Variants in AHCTF1 observed in about 807,000 individuals in gnomAD.
The protein encoded by AHCTF1 is protein ELYS.
In AHCTF1, 24 loss-of-function variants were observed where a neutral mutation model predicts 248.4. That is an observed-to-expected ratio of 0.10 (90% CI 0.07 to 0.14). The LOEUF (loss-of-function observed/expected upper bound fraction) is 0.14, where lower values mean the gene tolerates loss of function less well. AHCTF1 is among the 10% of genes least tolerant of loss of function. The probability of loss-of-function intolerance (pLI) is 1.00; values close to 1 mark genes in which losing one functional copy is unlikely to be tolerated. For synonymous variants in AHCTF1, 786 were observed against 929.8 expected, an observed-to-expected ratio of 0.85 and a Z score of 2.81; for missense variants, 2,206 against 2,636.2, an observed-to-expected ratio of 0.84 and a Z score of 3.57.
At chr1:246,882,299 T>G (rs114777821) in intron 21 of AHCTF1, among the ~76,000 whole-genome samples, 2,545 of 152,256 alleles carry the variant, frequency 0.017, 30 homozygotes, top group Non-Finnish European at 0.027. Context: ...ACCTGGCCTA[T>G]TATTACTTTT....
In AHCTF1 at chr1:246,862,043, T is replaced by G. The variant is rs148727145; in HGVS notation, c.3651A>C (p.Pro1217=). The G allele has an allele frequency of 6.6e-5, 107 of 1,612,550 alleles. No individual in the cohort carries two copies. In the African/African-American group the frequency reaches 1.3e-3, roughly 20 times the overall value. The part of the protein sequence containing the change: ...LRSTPLASPS[P]SPGRSPQRLK... ...GTCGTTGAGGAGACCTTCCAGGTGA[T>G]GGAGAGGGAGATGCTAAAGGTGTTG... The change falls in exon 28 of 36, where the codon CCA becomes CCC. Residue 1217 remains proline, a synonymous_variant. Transcript: ENST00000648844.
intron 1 of AHCTF1, among the ~76,000 whole-genome samples, chr1:246,919,873 G>A (rs1666403743): frequency 6.6e-6 from 1 of 151,950 alleles, no homozygotes; most frequent in African/African-American, 2.4e-5. Flanking sequence ...GCCAGGCAGG[G>A]TGGCTCATGC....
At position 246,850,421 on chromosome 1, in the gene AHCTF1, ACTT is replaced by A. The variant is rs1472219601; in HGVS notation, c.5582_5584del (p.Glu1861del). ...CCTTTTTGTAACAGATGAAACCTTA[ACTT>A]CTTTTTTAGTAGTTTCTTCAACTGC... On this transcript the variant is annotated inframe_deletion, in exon 33 of 36. Transcript: ENST00000648844. 3 of 1,597,064 alleles carry A rather than the reference ACTT, an allele frequency of 1.9e-6. No homozygotes were observed. The highest frequency in any genetic ancestry group is 1.4e-5 in the African/African-American group (1 of 73,550).
rs576454925 is a variant in AHCTF1 at position 246,852,842 on chromosome 1, C to T, written c.4563+249G>A. ...CTTGGGCTCAAGGATCCTCCCTCCT[C>T]AAACTCCCAAGTAGCTGGGACTATG... is the stretch of plus-strand genomic sequence containing the variant. On this transcript the variant is annotated intron_variant, in intron 32 of 35. Coordinates refer to ENST00000648844, the MANE Select transcript of AHCTF1 (RefSeq NM_001323342.2). Among the ~76,000 whole-genome samples the T allele has an allele frequency of 8.3e-4, 127 of 152,218 alleles. 1 individual carries two copies. The highest frequency in any genetic ancestry group is 1.4e-3 in the Non-Finnish European group (92 of 68,002).
intron 1 of AHCTF1, 109 bp from the exon 2 acceptor site, chr1:246,918,486 A>G: frequency 1.1e-5 from 12 of 1,122,214 alleles, no homozygotes; most frequent in Non-Finnish European, 1.4e-5. Context: ...ATAAAGAAAA[A>G]CTAAAATCTG....
chr1:246,902,510 A>G lies in AHCTF1; in HGVS notation c.1117+15T>C, dbSNP rs1249268632. 1.2e-6 allele frequency: 2 copies of G among 1,601,294 alleles called. No individual in the cohort carries two copies. Among genetic ancestry groups the G allele is most frequent in the Non-Finnish European group, 8.5e-7 (1 of 1,173,216 alleles). On this transcript the variant is annotated intron_variant, in intron 8 of 35. Transcript: ENST00000648844. The stretch of plus-strand genomic sequence containing the variant: ...TCCAGCCTTCACATGACATATTTCA[A>G]GTACTTTAACTAACCTTCATTCACG...
chr1:246,885,374 T>C (rs919530565), intron 21 of AHCTF1, 119 bp downstream of exon 21: 2 of 793,690 alleles, frequency 2.5e-6, no homozygotes, highest in Non-Finnish European at 3.9e-6. Flanking sequence ...AACCCACTAA[T>C]ACAAAGGACT....
Position 246,900,442 on chromosome 1 carries a change from A to G in AHCTF1, c.1145T>C (p.Val382Ala). The G allele has an allele frequency of 6.3e-7, 1 of 1,593,984 alleles. No homozygotes were observed. Residue 382 changes from valine (V) to alanine (A), a missense_variant, in exon 9 of 36, where the codon GTC (valine) becomes GCC (alanine). Physicochemically the swap from Val to Ala is moderately conservative, Grantham distance 64. Around this residue, in one of 6 missense-constraint regions of AHCTF1, gnomAD observed 650 missense variants for 870.8 expected, o/e 0.75. Transcript: ENST00000648844. The part of the protein sequence containing the change: ...EALSPDTSVS[V>A]FTWQVNIYGQ... ...ATATATATTCACCTGCCAGGTAAAGACTGAAACACTAGTGTCAGGCGATAG... is the reference window on the plus strand; with the variant it reads ...ATATATATTCACCTGCCAGGTAAAGGCTGAAACACTAGTGTCAGGCGATAG...
At chr1:246,854,000 A>G (rs1458627921) in intron 31 of AHCTF1, among the ~76,000 whole-genome samples, 4 of 152,174 alleles carry the variant, frequency 2.6e-5, no homozygotes, top group African/African-American at 7.2e-5. Flanking sequence ...GGATACAACA[A>G]TAAAATATTA....
At chr1:246,880,476 A>C (rs867653382) in intron 21 of AHCTF1, among the ~76,000 whole-genome samples, 1 of 151,474 alleles carries the variant, frequency 6.6e-6, no homozygotes, top group South Asian at 2.1e-4. Context: ...AGGCAGGAGA[A>C]TCACTTGAAC....
At position 246,850,290 on chromosome 1, in the gene AHCTF1, A is replaced by G; in HGVS notation, c.5716T>C (p.Leu1906=). The G allele has an allele frequency of 6.2e-7, 1 of 1,613,814 alleles. No homozygotes were observed. The highest frequency in any genetic ancestry group is 8.5e-7 in the Non-Finnish European group (1 of 1,179,828). ...VTSPSRMIRK[L]RSTNLDASEN... ...GAAGCATCTAAATTAGTACTTCTCA[A>G]TTTTCTGATCATTCTGCTAGGACTT... is the stretch of plus-strand genomic sequence containing the variant. The change falls in exon 33 of 36, where the codon TTG becomes CTG. Residue 1906 remains leucine, a synonymous_variant. Coordinates refer to ENST00000648844, the MANE Select transcript of AHCTF1 (RefSeq NM_001323342.2).
At chr1:246,896,969 C>T (rs1361110746) in intron 12 of AHCTF1, among the ~76,000 whole-genome samples, 1 of 152,174 alleles carries the variant, frequency 6.6e-6, no homozygotes, top group Non-Finnish European at 1.5e-5. Context: ...ACGTCTGCTA[C>T]TAACATTATT....
At chr1:246,901,221 G>C (rs549181627) in intron 8 of AHCTF1, among the ~76,000 whole-genome samples, 1 of 152,258 alleles carries the variant, frequency 6.6e-6, no homozygotes, top group Admixed American at 6.5e-5. Context: ...TGCACCTGTA[G>C]TCCCAGCTAC....
Position 246,900,478 on chromosome 1 carries a change from A to C in AHCTF1, c.1118-9T>G. On this transcript the variant is annotated splice_polypyrimidine_tract_variant and intron_variant, in intron 8 of 35. Coordinates refer to ENST00000648844, the MANE Select transcript of AHCTF1 (RefSeq NM_001323342.2). ...AGTGTCAGGCGATAGAGCTGGAAGA[A>C]AAAGATAATTTTTAAAAACAGAATA... 3 of 1,582,336 alleles carry C rather than the reference A, an allele frequency of 1.9e-6. No individual in the cohort carries two copies. The highest frequency in any genetic ancestry group is 2.6e-6 in the Non-Finnish European group (3 of 1,173,176).
Position 246,862,122 on chromosome 1 carries a change from G to C in AHCTF1, c.3572C>G (p.Thr1191Ser), listed in dbSNP as rs767598148. The change falls in exon 28 of 36, where the codon ACT (threonine) becomes AGT (serine). Residue 1191 changes from threonine (T) to serine (S), a missense_variant. Around this residue, in one of 6 missense-constraint regions of AHCTF1, gnomAD observed 955 missense variants for 1,055.6 expected, o/e 0.90. Transcript: ENST00000648844. ...KAKSLAMSVT[T>S]SGFSEFTPQS... ...AGGAGTGAACTCAGAAAATCCAGAA[G>C]TAGTAACTGACATGGCCAAACTTTT... The C allele has an allele frequency of 1.2e-6, 2 of 1,606,626 alleles. No homozygotes were observed. Among genetic ancestry groups the C allele is most frequent in the Non-Finnish European group, 1.7e-6 (2 of 1,177,836 alleles).
chr1:246,907,085 T>C (rs1665444384), intron 5 of AHCTF1, among the ~76,000 whole-genome samples: 1 of 152,206 alleles, frequency 6.6e-6, no homozygotes, highest in Admixed American at 6.5e-5. Flanking sequence ...ACTATATACC[T>C]AGGCTAGATG....
rs375008404 is a variant in AHCTF1, at chr1:246,898,227, T to A, written c.1604A>T (p.Gln535Leu). The change falls in exon 12 of 36, where the codon CAG (glutamine) becomes CTG (leucine). Residue 535 changes from glutamine to leucine, a missense_variant. Physicochemically the swap from Gln to Leu is moderately radical, Grantham distance 113 (BLOSUM62 -2). Transcript: ENST00000648844. Reference sequence around the variant, plus strand: ...TCTCACTTGGCTTAAACTGGAAGGCTGAACATCAACAAATCTTGGGGAAAG... The same window carrying A: ...TCTCACTTGGCTTAAACTGGAAGGCAGAACATCAACAAATCTTGGGGAAAG... ...GLLSPRFVDVQPSSLSQEEQL... is the reference protein window; with the variant it reads ...GLLSPRFVDVLPSSLSQEEQL... 1 of 1,612,202 alleles carries A rather than the reference T, an allele frequency of 6.2e-7. No individual in the cohort carries two copies. The highest frequency in any genetic ancestry group is 1.1e-5 in the South Asian group (1 of 90,996).
At chr1:246,890,490 C>T (rs1333448846) in intron 16 of AHCTF1, among the ~76,000 whole-genome samples, 1 of 151,994 alleles carries the variant, frequency 6.6e-6, no homozygotes, top group East Asian at 1.9e-4. Context: ...ATATTCTAAA[C>T]AAATATAGCA....
At chr1:246,862,979 A>C (rs1661684763) in intron 27 of AHCTF1, among the ~76,000 whole-genome samples, 1 of 152,214 alleles carries the variant, frequency 6.6e-6, no homozygotes, top group Non-Finnish European at 1.5e-5. Flanking sequence ...ATTAGATCAT[A>C]ATAAATTCTG....
Sources: allele counts gnomAD v4.1 joint callset (sites outside exome capture counted in the v4.1 genomes callset), GRCh38; gene constraint gnomAD v4.1.1; regional missense constraint gnomAD v4.1.1; transcripts MANE v1.5; gene names NCBI Gene and HGNC (gene_info 2026-07-23, HGNC 2026-07-21).